MYCBPAP: variants seen among roughly 807,000 people sequenced by gnomAD.
The protein encoded by MYCBPAP is MYCBP-associated protein.
Under a neutral mutation model 106.1 loss-of-function variants are expected in MYCBPAP, and 60 were observed. The ratio of observed to expected loss-of-function variants is 0.57; its 90% CI spans 0.46 to 0.70. MYCBPAP has a LOEUF of 0.70. Among genes scored for constraint, MYCBPAP ranks in the 30% least tolerant of loss-of-function variants. The probability of loss-of-function intolerance (pLI) is 0.00; values close to 1 mark genes in which losing one functional copy is unlikely to be tolerated. For synonymous variants in MYCBPAP, 407 were observed against 440.6 expected (o/e 0.92, Z 0.95); for missense variants, 1,064 against 1,169.3 (o/e 0.91, Z 1.31).
rs757341824 is a variant in MYCBPAP, at chr17:50,519,095, G to A, written c.768+6G>A. Reference sequence around the variant, plus strand: ...CAACCCGGCGTGATAGGAAAGTGAGGCCACCTGTCCTAAGTGCCCGGGGGC... The same window carrying A: ...CAACCCGGCGTGATAGGAAAGTGAGACCACCTGTCCTAAGTGCCCGGGGGC... On this transcript the variant is annotated splice_donor_region_variant and intron_variant, in intron 6 of 18. Transcript: ENST00000323776. The A allele has an allele frequency of 4.5e-6, 7 of 1,540,344 alleles. No homozygotes were observed. The highest frequency in any genetic ancestry group is 1.7e-4 in the Middle Eastern group (1 of 5,816).
intron 1 of MYCBPAP, among the ~76,000 whole-genome samples, chr17:50,513,256 G>A (rs981162934): frequency 1.3e-5 from 2 of 149,060 alleles, no homozygotes; most frequent in Non-Finnish European, 3.0e-5. Context: ...GCATGGTGGC[G>A]CATGCCTGTA....
At chr17:50,527,562 G>A (rs1318295726) in intron 15 of MYCBPAP, among the ~76,000 whole-genome samples, 154 bp downstream of exon 15, 1 of 152,224 alleles carries the variant, frequency 6.6e-6, no homozygotes, top group Non-Finnish European at 1.5e-5. Flanking sequence ...CTGGAACCCT[G>A]CAGTGCCTAC....
At chr17:50,519,926 T>C (rs1336482325) in intron 7 of MYCBPAP, 139 bp downstream of exon 7, 3 of 891,544 alleles carry the variant, frequency 3.4e-6, no homozygotes, top group African/African-American at 3.4e-5. Context: ...CTTAGGCAAG[T>C]CCCAGAGTCT....
intron 9 of MYCBPAP, 77 bp from the exon 10 acceptor site, chr17:50,521,896 G>A (rs1249793468): frequency 2.2e-6 from 3 of 1,369,040 alleles, no homozygotes; most frequent in Non-Finnish European, 2.1e-6. Context: ...AGGCTTCCTG[G>A]TGACCGTTTC....
At chr17:50,510,501 A>ATGTATG (rs1567879205) in intron 1 of MYCBPAP, 3 of 83,222 alleles carry the variant, frequency 3.6e-5, no homozygotes, top group African/African-American at 1.7e-4. Context: ...GTGTGTGTGT[A>ATGTATG]TATATATATA....
chr17:50,508,623 G>A lies in MYCBPAP; in HGVS notation c.-52G>A, dbSNP rs764201681. 1.3e-6 allele frequency: 2 copies of A among 1,567,128 alleles called. No individual in the cohort carries two copies. Among genetic ancestry groups the A allele is most frequent in the African/African-American group, 2.7e-5 (2 of 73,176 alleles). On this transcript the variant is annotated 5_prime_UTR_variant, in exon 1 of 19. In the 5' UTR this introduces an upstream ATG that the reference lacks. Coordinates refer to ENST00000323776, the MANE Select transcript of MYCBPAP (RefSeq NM_032133.6). ...GGCTGGCGGGTGCGGCGCAGCCTCG[G>A]TGTCTCTGGGCCGGCGGTGCAGGGC...
Position 50,531,330 on chromosome 17 carries a change from C to T in MYCBPAP, c.2728C>T (p.Arg910Cys), listed in dbSNP as rs1484590304. The change falls in exon 19 of 19, where the codon CGT becomes TGT. Residue 910 changes from arginine to cysteine, a missense_variant. Physicochemically the swap from Arg to Cys is radical, Grantham distance 180 (BLOSUM62 -3). Coordinates refer to ENST00000323776, the MANE Select transcript of MYCBPAP (RefSeq NM_032133.6). ...TGATGTTGTCCCGTTCTTCCAGGTCCGTGGGCTGCTGGACACCCTGGTGAC... is the reference window on the plus strand; with the variant it reads ...TGATGTTGTCCCGTTCTTCCAGGTCTGTGGGCTGCTGGACACCCTGGTGAC... ...KYTQSLHSEVRGLLDTLVTDL... is the reference protein window; with the variant it reads ...KYTQSLHSEVCGLLDTLVTDL... The T allele has an allele frequency of 5.6e-6, 9 of 1,610,572 alleles. No individual in the cohort carries two copies. The highest frequency in any genetic ancestry group is 4.0e-5 in the African/African-American group (3 of 74,820).
At chr17:50,509,542 G>C (rs943258914) in intron 1 of MYCBPAP, 2 of 82,524 alleles carry the variant, frequency 2.4e-5, no homozygotes, top group South Asian at 2.6e-4. Flanking sequence ...TTTTCTGTGT[G>C]TGTGTGTGTG....
chr17:50,523,450 T>C (rs1382679526), intron 11 of MYCBPAP, 147 bp from the exon 12 acceptor site: 5 of 801,708 alleles, frequency 6.2e-6, no homozygotes, highest in Non-Finnish European at 1.0e-5. Flanking sequence ...AATTCCCACA[T>C]TCCAGGAAAC....
chr17:50,519,888 G>A (rs2034196305), intron 7 of MYCBPAP, 101 bp downstream of exon 7: 1 of 1,342,776 alleles, frequency 7.4e-7, no homozygotes, highest in Non-Finnish European at 1.0e-6. Flanking sequence ...ACAGGCCCAG[G>A]GCCTGTTTCT....
At chr17:50,515,860 T>G (rs1206804051) in intron 1 of MYCBPAP, 1 of 152,286 alleles carries the variant, frequency 6.6e-6, no homozygotes, top group African/African-American at 2.4e-5. Flanking sequence ...TTTGTACAGA[T>G]GGAGTCTCAA....
chr17:50,510,495 G>GTA (rs1320539341), intron 1 of MYCBPAP: 19 of 93,044 alleles, frequency 2.0e-4, no homozygotes, highest in Middle Eastern at 5.3e-3. Flanking sequence ...GTGTGTGTGT[G>GTA]TGTGTATATA....
chr17:50,518,648 A>G lies in MYCBPAP; in HGVS notation c.576A>G (p.Pro192=), dbSNP rs1250370880. 2.5e-6 allele frequency: 4 copies of G among 1,609,074 alleles called. No homozygotes were observed. The highest frequency in any genetic ancestry group is 3.4e-5 in the Admixed American group (2 of 58,538). Reference sequence around the variant, plus strand: ...AAGAGAAGAGACCTCCCTGGGCCCCACCTCCTCAGCACAACTTTCTGAAAA... The same window carrying G: ...AAGAGAAGAGACCTCCCTGGGCCCCGCCTCCTCAGCACAACTTTCTGAAAA... ...PKEEKRPPWA[P]PPQHNFLKNW... The change falls in exon 5 of 19, where the codon CCA becomes CCG. Residue 192 remains proline, a synonymous_variant. Coordinates refer to ENST00000323776, the MANE Select transcript of MYCBPAP (RefSeq NM_032133.6).
intron 13 of MYCBPAP, 83 bp downstream of exon 13, chr17:50,525,106 G>A (rs763880109): frequency 2.5e-5 from 38 of 1,514,516 alleles, no homozygotes; most frequent in East Asian, 2.3e-5. Flanking sequence ...AGCGGCAGGT[G>A]AGCAGTGGGT....
chr17:50,519,145 G>C (rs961582289), intron 6 of MYCBPAP, 56 bp downstream of exon 6: 5 of 1,173,452 alleles, frequency 4.3e-6, no homozygotes, highest in East Asian at 2.6e-5. Context: ...AGGAGGGGGC[G>C]GGGGCAGGTG....
chr17:50,524,617 C>T (rs545812365), intron 12 of MYCBPAP, among the ~76,000 whole-genome samples: 2 of 152,250 alleles, frequency 1.3e-5, no homozygotes, highest in African/African-American at 4.8e-5. Context: ...CAGCAGCTGT[C>T]ACTGGAACTG....
chr17:50,526,481 A>G (rs1044133847), intron 14 of MYCBPAP, among the ~76,000 whole-genome samples: 3 of 152,014 alleles, frequency 2.0e-5, no homozygotes, highest in African/African-American at 7.3e-5. Flanking sequence ...TGGGAGTGCA[A>G]TAGCACAATC....
chr17:50,518,440 G>A (rs533435940), intron 4 of MYCBPAP, 101 bp from the exon 5 acceptor site: 14 of 1,015,024 alleles, frequency 1.4e-5, no homozygotes, highest in Non-Finnish European at 1.7e-5. Flanking sequence ...GACTCTCAGC[G>A]CAGTGGGATA....
Position 50,517,407 on chromosome 17 carries a change from C to A in MYCBPAP, c.319C>A (p.Arg107Ser). Residue 107 changes from arginine (R) to serine (S), a missense_variant, in exon 3 of 19, where the codon CGT becomes AGT. Arg to Ser is a moderately radical substitution (Grantham distance 110). Coordinates refer to ENST00000323776, the MANE Select transcript of MYCBPAP (RefSeq NM_032133.6). ...PRRKVCHLVA[R>S]PANPDEATKP... ...GAGGAAGGTCTGCCACCTTGTAGCA[C>A]GTCCTGCGAATCCTGATGAAGCCAC... 1.9e-6 allele frequency: 3 copies of A among 1,614,176 alleles called. No individual in the cohort carries two copies. In the South Asian group the frequency reaches 3.3e-5, roughly 18 times the overall value.
Sources: allele counts gnomAD v4.1 joint callset (sites outside exome capture counted in the v4.1 genomes callset), GRCh38; gene constraint gnomAD v4.1.1; transcripts MANE v1.5; gene names NCBI Gene and HGNC (gene_info 2026-07-23, HGNC 2026-07-21).